The following C8A variants were observed in gnomAD, a reference collection of about 807,000 sequenced individuals.
The protein encoded by C8A is complement component C8 alpha chain.
A neutral mutation model predicts 65.3 loss-of-function variants in C8A; 67 were observed. That is an observed-to-expected ratio of 1.03 (90% CI 0.84 to 1.26). The LOEUF is 1.26. Among genes scored for constraint, C8A ranks in the 50% most tolerant of loss-of-function variants. C8A has a pLI of 0.00. For synonymous variants in C8A, 290 were observed against 259.4 expected (o/e 1.12, Z -1.13); for missense variants, 781 against 723.9 (o/e 1.08, Z -0.90).
intron 10 of C8A, among the ~76,000 whole-genome samples, chr1:56,915,152 G>A (rs1557717972): frequency 1.3e-5 from 2 of 152,196 alleles, no homozygotes; most frequent in African/African-American, 2.4e-5. Context: ...TTCATTGGTA[G>A]AGAATTGTTC....
chr1:56,912,568 A>T lies in C8A; in HGVS notation c.1546A>T (p.Arg516Trp), dbSNP rs371318053. Residue 516 changes from arginine (R) to tryptophan (W), a missense_variant, in exon 10 of 11, where the codon AGG (arginine) becomes TGG (tryptophan). Physicochemically the swap from Arg to Trp is moderately radical, Grantham distance 101. Coordinates refer to ENST00000361249, the MANE Select transcript of C8A (RefSeq NM_000562.3). ...GCCCATCCTCGAGGGCACCAGCTGC[A>T]GGTGCCAGTGCCGCCTGGGTAGCTT... ...GVPILEGTSC[R>W]CQCRLGSLGA... is the part of the protein sequence containing the mutation. The T allele has an allele frequency of 1.1e-5, 18 of 1,614,106 alleles. No homozygotes were observed. The African/African-American group carries it at 2.4e-4, about 22-fold the overall frequency.
At chr1:56,914,860 T>C (rs1448423272) in intron 10 of C8A, among the ~76,000 whole-genome samples, 1 of 151,904 alleles carries the variant, frequency 6.6e-6, no homozygotes, top group Admixed American at 6.5e-5. Flanking sequence ...GTATTTTTAC[T>C]GGAGATGGGT....
chr1:56,913,852 T>C (rs2101314226), intron 10 of C8A, among the ~76,000 whole-genome samples: 1 of 152,304 alleles, frequency 6.6e-6, no homozygotes, highest in South Asian at 2.1e-4. Context: ...GCTGAAGCCA[T>C]GTGGCTCAAT....
At chr1:56,906,859 A>G in intron 8 of C8A, 67 bp downstream of exon 8, 2 of 1,594,130 alleles carry the variant, frequency 1.3e-6, no homozygotes, top group South Asian at 1.1e-5. Flanking sequence ...ACACTGGGAC[A>G]TGGAAGCTAT....
At chr1:56,885,905 A>G in intron 6 of C8A, 22 bp from the exon 7 acceptor site, 1 of 1,613,702 alleles carries the variant, frequency 6.2e-7, no homozygotes, top group South Asian at 1.1e-5. Context: ...CTTTTGCTTT[A>G]TTCAATGGCG....
chr1:56,871,327 C>T (rs921330720), intron 2 of C8A, among the ~76,000 whole-genome samples: 2 of 152,192 alleles, frequency 1.3e-5, no homozygotes, highest in Non-Finnish European at 2.9e-5. Flanking sequence ...CGCGGCTGAC[C>T]GCTCCACACT....
intron 4 of C8A, among the ~76,000 whole-genome samples, chr1:56,878,905 T>C (rs1310594076): frequency 1.3e-5 from 2 of 152,224 alleles, no homozygotes; most frequent in Non-Finnish European, 2.9e-5. Flanking sequence ...ATAAATGTGA[T>C]CATGCTATAC....
In C8A at chr1:56,906,780, G is replaced by T. The variant is rs553315803; in HGVS notation, c.1210G>T (p.Gly404Cys). The T allele has an allele frequency of 1.5e-5, 24 of 1,614,086 alleles. No homozygotes were observed. In the South Asian group the frequency reaches 2.5e-4, roughly 17 times the overall value. Reference protein sequence around the residue: ...LSGDHCKKFGGGKTERARKAM... With the variant: ...LSGDHCKKFGCGKTERARKAM... ...AGGAGACCATTGTAAAAAATTTGGA[G>T]GTGGCAAAACTGGCAAGTGTTTAGT... Residue 404 changes from glycine (G) to cysteine (C), a missense_variant, in exon 8 of 11, where the codon GGT becomes TGT. By Grantham distance (159) the Gly-to-Cys change is radical (BLOSUM62 -3). Transcript: ENST00000361249.
Position 56,874,938 on chromosome 1 carries a change from A to G in C8A, c.172-11A>G. ...TTGACAAGAATGTGTCTTGTTCAAA[A>G]TCTGGTTTAGTACCGACACCGGAGC... On this transcript the variant is annotated splice_polypyrimidine_tract_variant and intron_variant, in intron 2 of 10. Transcript: ENST00000361249. 1.9e-6 allele frequency: 3 copies of G among 1,613,354 alleles called. No homozygotes were observed. The highest frequency in any genetic ancestry group is 1.1e-5 in the South Asian group (1 of 91,048).
chr1:56,908,070 G>A lies in C8A; in HGVS notation c.1337G>A (p.Trp446Ter), dbSNP rs1319301070. 1 of 1,614,154 alleles carries A rather than the reference G, an allele frequency of 6.2e-7. No homozygotes were observed. Among genetic ancestry groups the A allele is most frequent in the Non-Finnish European group, 8.5e-7 (1 of 1,180,006 alleles). ...QNRSTITYRSWGRSLKYNPVV... is the reference protein window; with the variant it reads ...QNRSTITYRS ...AGGAGCACCATTACATACCGTTCCT[G>A]GGGGAGGTCATTAAAGTATAATCCT... The change falls in exon 9 of 11, where the codon TGG (tryptophan) becomes TAG (stop). Residue 446 changes from tryptophan to a stop codon, truncating the protein, a stop_gained. Coordinates refer to ENST00000361249, the MANE Select transcript of C8A (RefSeq NM_000562.3). LOFTEE classifies it high-confidence loss of function.
intron 7 of C8A, among the ~76,000 whole-genome samples, chr1:56,897,090 T>G (rs754775584): frequency 6.6e-6 from 1 of 152,236 alleles, no homozygotes; most frequent in Non-Finnish European, 1.5e-5. Context: ...GATATTTTAT[T>G]TCATTTATTT....
intron 2 of C8A, among the ~76,000 whole-genome samples, chr1:56,869,456 T>C (rs1168349283): frequency 6.6e-6 from 1 of 152,222 alleles, no homozygotes; most frequent in East Asian, 1.9e-4. Context: ...AGTTTTGCAA[T>C]TGTGAATTGT....
intron 6 of C8A, among the ~76,000 whole-genome samples, chr1:56,885,346 A>T (rs1644284137): frequency 2.0e-5 from 2 of 97,774 alleles, no homozygotes; most frequent in South Asian, 7.5e-4. Context: ...ATTTACATAA[A>T]TATATATTTA....
chr1:56,893,772 A>G (rs1026269127), intron 7 of C8A, among the ~76,000 whole-genome samples: 4 of 152,130 alleles, frequency 2.6e-5, no homozygotes, highest in Non-Finnish European at 5.9e-5. Flanking sequence ...CTTATTTTGT[A>G]CCCACATTCC....
chr1:56,872,198 C>T (rs1299714912), intron 2 of C8A, among the ~76,000 whole-genome samples: 2 of 152,204 alleles, frequency 1.3e-5, no homozygotes, highest in African/African-American at 4.8e-5. Flanking sequence ...CTCCCAACCT[C>T]ATTCTCAATG....
chr1:56,881,491 A>G lies in C8A; in HGVS notation c.511A>G (p.Ser171Gly). The G allele has an allele frequency of 6.2e-7, 1 of 1,613,778 alleles. No individual in the cohort carries two copies. Among genetic ancestry groups the G allele is most frequent in the South Asian group, 1.1e-5 (1 of 91,076 alleles). The change falls in exon 5 of 11, where the codon AGT becomes GGT. Residue 171 changes from serine (S) to glycine (G), a missense_variant. Transcript: ENST00000361249. ...AGATGCTCAGAGTGTGTACGATGCC[A>G]GTTATTATGGGGGCCAGTGTGAGAC... ...QEDAQSVYDA[S>G]YYGGQCETVY... is the part of the protein sequence containing the mutation.
intron 10 of C8A, among the ~76,000 whole-genome samples, chr1:56,916,908 C>T (rs561191470): frequency 2.6e-5 from 4 of 152,162 alleles, no homozygotes; most frequent in East Asian, 1.9e-4. Context: ...GGCTCCATTG[C>T]CAGAATCTGA....
chr1:56,862,288 A>G (rs1644041733), intron 1 of C8A, among the ~76,000 whole-genome samples: 1 of 152,236 alleles, frequency 6.6e-6, no homozygotes, highest in Non-Finnish European at 1.5e-5. Flanking sequence ...ATTCAAATGC[A>G]TATTTGCTGG....
intron 8 of C8A, 74 bp downstream of exon 8, chr1:56,906,866 C>T: frequency 6.3e-7 from 1 of 1,580,544 alleles, no homozygotes; most frequent in Non-Finnish European, 8.7e-7. Flanking sequence ...GACATGGAAG[C>T]TATTTTTTTT....
Sources: allele counts gnomAD v4.1 joint callset (sites outside exome capture counted in the v4.1 genomes callset), GRCh38; gene constraint gnomAD v4.1.1; transcripts MANE v1.5; gene names NCBI Gene and HGNC (gene_info 2026-07-23, HGNC 2026-07-21).